MYLK: variants seen among roughly 807,000 people sequenced by gnomAD.
The protein encoded by MYLK is myosin light chain kinase.
Under a neutral mutation model 203.4 loss-of-function variants are expected in MYLK, and 106 were observed. That is an observed-to-expected ratio of 0.52 (90% CI 0.45 to 0.61). The LOEUF (loss-of-function observed/expected upper bound fraction) is 0.61, where lower values mean the gene tolerates loss of function less well. Ranked by LOEUF, MYLK falls within the 20% of genes least tolerant of loss-of-function variation. The pLI is 0.00. For missense variants in MYLK, 2,072 were observed against 2,442.3 expected, an observed-to-expected ratio of 0.85 and a Z score of 3.20; for synonymous variants, 867 against 959.5, an observed-to-expected ratio of 0.90 and a Z score of 1.78.
rs397962965 is a variant in MYLK, at chr3:123,620,109, TAAAA to T, written c.5368+94_5368+97del. 7 of 876,810 alleles carry T rather than the reference TAAAA, an allele frequency of 8.0e-6. No individual in the cohort carries two copies. In the African/African-American group the frequency reaches 1.0e-4, roughly 13 times the overall value. 54.3% of individuals were successfully genotyped at this position (876,810 alleles called of 1,614,324 possible). A position where few individuals can be genotyped will look rare whatever the true frequency, so the allele number is the denominator to read the frequency against. The stretch of plus-strand genomic sequence containing the variant: ...TTTATCCTTGCAGGGAATATTAAAA[TAAAA>T]AAAAAAAGAACAAAACCAACCAAAA... On this transcript the variant is annotated intron_variant, in intron 32 of 33. Coordinates refer to ENST00000360304, the MANE Select transcript of MYLK (RefSeq NM_053025.4).
In MYLK at chr3:123,640,233, A is replaced by C. The variant is rs2058783931; in HGVS notation, c.4837+54T>G. The C allele has an allele frequency of 5.2e-6, 8 of 1,525,108 alleles. No homozygotes were observed. The highest frequency in any genetic ancestry group is 4.5e-5 in the East Asian group (2 of 44,382). The allele number at this position is 1,525,108 out of a possible 1,614,324, so 94.5% of individuals were successfully genotyped here. ...TTCCTCTCACACTCAGTGTGAGAGG[A>C]AACGGCCAGTGCAATACACACTGGT... On this transcript the variant is annotated intron_variant, in intron 28 of 33. Coordinates refer to ENST00000360304, the MANE Select transcript of MYLK (RefSeq NM_053025.4). The surrounding 1 kb of genome is among the most constrained non-coding windows in gnomAD (Gnocchi z 4.3).
chr3:123,760,163 AGTATGTAT>A (rs79330261), intron 4 of MYLK, among the ~76,000 whole-genome samples: 24 of 151,978 alleles, frequency 1.6e-4, no homozygotes, highest in African/African-American at 5.5e-4. Context: ...TCCATGGAGA[AGTATGTAT>A]GTATGTATGT....
intron 3 of MYLK, among the ~76,000 whole-genome samples, chr3:123,808,113 C>G (rs1463731036): frequency 6.6e-6 from 1 of 152,210 alleles, no homozygotes; most frequent in Non-Finnish European, 1.5e-5. Context: ...CAGACACAGC[C>G]CGGCTCTTCC....
intron 18 of MYLK, among the ~76,000 whole-genome samples, chr3:123,696,751 C>T (rs2060945190): frequency 6.6e-6 from 1 of 152,078 alleles, no homozygotes; most frequent in African/African-American, 2.4e-5. Context: ...TCAGTAGGCT[C>T]TGTATTTGTC....
chr3:123,683,047 GC>G (rs2060324158), intron 19 of MYLK, among the ~76,000 whole-genome samples: 2 of 1,386 alleles, frequency 1.4e-3, no homozygotes, highest in Admixed American at 0.091. Flanking sequence ...ACATCACTTG[GC>G]TGGGCTGGGC....
chr3:123,692,991 C>A (rs757340887), intron 18 of MYLK, 140 bp from the exon 19 acceptor site: 4 of 735,742 alleles, frequency 5.4e-6, no homozygotes, highest in African/African-American at 1.7e-5. Flanking sequence ...ACCAATCCCC[C>A]ACTCCTCACC....
chr3:123,631,614 T>C (rs748136919), intron 29 of MYLK, among the ~76,000 whole-genome samples: 10 of 152,200 alleles, frequency 6.6e-5, no homozygotes, highest in Non-Finnish European at 1.2e-4. Flanking sequence ...AACCCTCTGG[T>C]GAAACCTTTT....
chr3:123,643,438 C>T (rs1282400356), intron 27 of MYLK, among the ~76,000 whole-genome samples: 1 of 152,168 alleles, frequency 6.6e-6, no homozygotes, highest in African/African-American at 2.4e-5. Context: ...TGGAGGAAAC[C>T]TATTCAATAT....
chr3:123,745,253 C>A (rs2062980760), intron 5 of MYLK, among the ~76,000 whole-genome samples: 1 of 152,046 alleles, frequency 6.6e-6, no homozygotes, highest in South Asian at 2.1e-4. Context: ...ACCCCTAGTG[C>A]TTGCCCCCTA....
chr3:123,881,498 G>A (rs1226603387), intron 1 of MYLK, among the ~76,000 whole-genome samples: 1 of 152,122 alleles, frequency 6.6e-6, no homozygotes, highest in Non-Finnish European at 1.5e-5. Flanking sequence ...GGGTTGGTTT[G>A]AGCTGTGAGA....
intron 16 of MYLK, among the ~76,000 whole-genome samples, chr3:123,702,526 T>TCCC (rs898413333): frequency 2.6e-5 from 4 of 152,162 alleles, no homozygotes; most frequent in African/African-American, 9.7e-5. Flanking sequence ...ACAACAGTGC[T>TCCC]CCCACTCATG....
chr3:123,643,662 T>A (rs2058911617), intron 27 of MYLK, among the ~76,000 whole-genome samples: 1 of 152,194 alleles, frequency 6.6e-6, no homozygotes, highest in South Asian at 2.1e-4. Context: ...AGGGCCAAGA[T>A]TAGGCTTAAA....
At chr3:123,766,878 A>C (rs2063721485) in intron 4 of MYLK, among the ~76,000 whole-genome samples, 1 of 152,204 alleles carries the variant, frequency 6.6e-6, no homozygotes. Context: ...ATCAGGACCC[A>C]TTGTGAGCAA....
intron 19 of MYLK, among the ~76,000 whole-genome samples, chr3:123,687,095 G>A (rs1380965744): frequency 1.3e-5 from 2 of 152,130 alleles, no homozygotes; most frequent in African/African-American, 2.4e-5. Context: ...GTTGGCGGGT[G>A]CCTGTAACCT....
At chr3:123,870,130 TG>T (rs2032661645) in intron 2 of MYLK, among the ~76,000 whole-genome samples, 1 of 152,180 alleles carries the variant, frequency 6.6e-6, no homozygotes, top group African/African-American at 2.4e-5. Flanking sequence ...ACACCAGCAC[TG>T]GGCTGGCACC....
intron 16 of MYLK, among the ~76,000 whole-genome samples, chr3:123,702,548 G>A (rs1324135560): frequency 6.6e-6 from 1 of 152,194 alleles, no homozygotes; most frequent in East Asian, 1.9e-4. Flanking sequence ...CCCTGGATGT[G>A]GCCGTCTCAC....
At chr3:123,777,392 G>GT (rs1272104160) in intron 4 of MYLK, among the ~76,000 whole-genome samples, 1 of 152,218 alleles carries the variant, frequency 6.6e-6, no homozygotes, top group Non-Finnish European at 1.5e-5. Flanking sequence ...CTGTCCTGAT[G>GT]TTTTTTGATC....
In MYLK at chr3:123,793,818, G is replaced by A. The variant is rs78118111; in HGVS notation, c.24C>T (p.Ala8=). Residue 8 remains alanine (A), a synonymous_variant, in exon 4 of 34, where the codon GCC becomes GCT. Coordinates refer to ENST00000360304, the MANE Select transcript of MYLK (RefSeq NM_053025.4). MGDVKLV[A]SSHISKTSLS... ...GGGAGGTTTTGGAAATGTGTGACGAGGCAACCAGCTTCACATCCCCCATGG... is the reference window on the plus strand; with the variant it reads ...GGGAGGTTTTGGAAATGTGTGACGAAGCAACCAGCTTCACATCCCCCATGG... 4 of 1,614,080 alleles carry A rather than the reference G, an allele frequency of 2.5e-6. No homozygotes were observed. In the South Asian group the frequency reaches 3.3e-5, roughly 13 times the overall value.
chr3:123,739,836 C>G, intron 6 of MYLK, 117 bp downstream of exon 6: 1 of 1,135,808 alleles, frequency 8.8e-7, no homozygotes, highest in South Asian at 1.2e-5. Flanking sequence ...GTACTAGGCT[C>G]CCGCCCTTTG....
Sources: gnomAD v4.1 joint callset for allele counts (sites outside exome capture counted in the v4.1 genomes callset) on GRCh38, gnomAD v4.1.1 for gene constraint, Gnocchi (gnomAD v3.1) non-coding constraint, MANE v1.5 for transcripts, NCBI Gene and HGNC (gene_info 2026-07-23, HGNC 2026-07-21) for gene names.